The following PTPRD variants were observed in gnomAD, a reference collection of about 807,000 sequenced individuals.
PTPRD encodes the protein receptor-type tyrosine-protein phosphatase delta.
In PTPRD, 34 loss-of-function variants were observed where a neutral mutation model predicts 214.5. That is an observed-to-expected ratio of 0.16 (90% confidence interval 0.12 to 0.21). The LOEUF is 0.21. Ranked by LOEUF, PTPRD falls within the 10% of genes least tolerant of loss-of-function variation. The pLI, the probability that PTPRD is intolerant of heterozygous loss-of-function variation, is 1.00. For synonymous variants in PTPRD, 1,128 were observed against 845.7 expected (o/e 1.33, Z -5.79); for missense variants, 2,545 against 2,398.7 (o/e 1.06, Z -1.27).
intron 8 of PTPRD, among the ~76,000 whole-genome samples, chr9:9,487,231 C>T (rs962980493): frequency 2.0e-5 from 3 of 150,920 alleles, no homozygotes; most frequent in Admixed American, 6.6e-5. Context: ...CAACAACAGT[C>T]CCCGGTGTGT....
At chr9:9,710,790 C>T (rs997643276) in intron 7 of PTPRD, among the ~76,000 whole-genome samples, 1 of 152,064 alleles carries the variant, frequency 6.6e-6, no homozygotes, top group African/African-American at 2.4e-5. Flanking sequence ...CTGTTGGACA[C>T]ACACACACAC....
intron 2 of PTPRD, among the ~76,000 whole-genome samples, chr9:10,364,234 C>T (rs1233486146): frequency 6.6e-6 from 1 of 151,976 alleles, no homozygotes; most frequent in Non-Finnish European, 1.5e-5. Flanking sequence ...ATCTCCTGAC[C>T]TCGTGATCCG....
intron 11 of PTPRD, among the ~76,000 whole-genome samples, chr9:8,934,393 A>ATATGTG (rs1206724377): frequency 5.4e-4 from 26 of 48,212 alleles, no homozygotes; most frequent in Non-Finnish European, 9.1e-4. Context: ...AATACTAATT[A>ATATGTG]TGTGTGTGTG....
intron 2 of PTPRD, among the ~76,000 whole-genome samples, chr9:10,342,650 T>C (rs565928969): frequency 1.3e-5 from 2 of 152,240 alleles, no homozygotes; most frequent in South Asian, 4.1e-4. Flanking sequence ...TTGTTCTTAA[T>C]TTTCCGCACC....
intron 3 of PTPRD, among the ~76,000 whole-genome samples, chr9:10,278,601 A>G (rs2094874098): frequency 6.6e-6 from 1 of 152,102 alleles, no homozygotes; most frequent in African/African-American, 2.4e-5. Context: ...CTATCTCCTG[A>G]TCTAGGTTTT....
At chr9:9,223,165 C>G (rs531906941) in intron 9 of PTPRD, among the ~76,000 whole-genome samples, 1 of 151,818 alleles carries the variant, frequency 6.6e-6, no homozygotes, top group Non-Finnish European at 1.5e-5. Context: ...TCTAAGTGGG[C>G]AGATATTTTT....
chr9:8,410,586 AC>A lies in PTPRD; in HGVS notation c.4087-5927del, dbSNP rs565158444. ...AGATTTTTCAAGACTCTCAGTATTA[AC>A]AAATGAATGGATGTGGGAGTGCCCC... On this transcript the variant is annotated intron_variant, in intron 35 of 45. Transcript: ENST00000381196. Among the ~76,000 whole-genome samples, 40 of 152,316 alleles carry A rather than the reference AC, an allele frequency of 2.6e-4. No homozygotes were observed. In the East Asian group the frequency reaches 6.0e-3, roughly 23 times the overall value.
chr9:9,449,320 CATT>C (rs1352012979), intron 8 of PTPRD, among the ~76,000 whole-genome samples: 5 of 152,026 alleles, frequency 3.3e-5, no homozygotes, highest in African/African-American at 1.2e-4. Context: ...TTATCTCAAA[CATT>C]ATTAACAGAT....
chr9:10,188,671 T>C (rs1386738971), intron 3 of PTPRD, among the ~76,000 whole-genome samples: 1 of 152,066 alleles, frequency 6.6e-6, no homozygotes, highest in East Asian at 1.9e-4. Context: ...GTAGAAGTCA[T>C]GGGTGTGCAT....
At chr9:10,291,700 A>G (rs2095532398) in intron 3 of PTPRD, among the ~76,000 whole-genome samples, 1 of 152,062 alleles carries the variant, frequency 6.6e-6, no homozygotes, top group African/African-American at 2.4e-5. Context: ...CCCTGAAGAT[A>G]CCTTCACTTC....
At chr9:9,731,124 G>C (rs1337067341) in intron 7 of PTPRD, among the ~76,000 whole-genome samples, 6 of 152,166 alleles carry the variant, frequency 3.9e-5, no homozygotes, top group African/African-American at 7.2e-5. Context: ...TATGTAGGAA[G>C]TGTCAGTTCT....
intron 10 of PTPRD, among the ~76,000 whole-genome samples, chr9:9,172,683 C>T (rs1437271570): frequency 6.6e-6 from 1 of 152,138 alleles, no homozygotes; most frequent in Non-Finnish European, 1.5e-5. Context: ...TAGTCTGTGT[C>T]ATTCTTGGCC....
intron 3 of PTPRD, among the ~76,000 whole-genome samples, chr9:10,287,591 T>C (rs568050849): frequency 3.9e-5 from 6 of 152,154 alleles, no homozygotes; most frequent in African/African-American, 1.2e-4. Context: ...GGTGGTGCCA[T>C]GAGAAATGCA....
intron 10 of PTPRD, among the ~76,000 whole-genome samples, chr9:9,139,534 T>C (rs2099856557): frequency 6.6e-6 from 1 of 152,134 alleles, no homozygotes; most frequent in African/African-American, 2.4e-5. Context: ...ACACATGCTC[T>C]GTGATACCGC....
At chr9:9,345,693 A>T (rs2048528217) in intron 9 of PTPRD, among the ~76,000 whole-genome samples, 1 of 152,124 alleles carries the variant, frequency 6.6e-6, no homozygotes, top group Non-Finnish European at 1.5e-5. Context: ...GCAAATCCTG[A>T]TCATAATGGC....
At chr9:9,382,569 T>G (rs978814841) in intron 9 of PTPRD, among the ~76,000 whole-genome samples, 1 of 151,980 alleles carries the variant, frequency 6.6e-6, no homozygotes, top group Non-Finnish European at 1.5e-5. Context: ...ACAAGGCATA[T>G]TAAAAGATGC....
chr9:10,300,778 G>T (rs1162567877), intron 3 of PTPRD, among the ~76,000 whole-genome samples: 2 of 152,210 alleles, frequency 1.3e-5, no homozygotes, highest in Admixed American at 1.3e-4. Flanking sequence ...GGGACTTATA[G>T]ATAAGACCCC....
rs570474672 is a variant in PTPRD, at chr9:9,220,387, A to C, written c.-202-37024T>G. ...TTTTTTGAGTTTAGAGGCAGAAAGCATTACTGATAAATCTTACCAAATGAA... is the reference window on the plus strand; with the variant it reads ...TTTTTTGAGTTTAGAGGCAGAAAGCCTTACTGATAAATCTTACCAAATGAA... On this transcript the variant is annotated intron_variant, in intron 9 of 45. Transcript: ENST00000381196. Among the ~76,000 whole-genome samples the C allele has an allele frequency of 4.8e-4, 73 of 151,560 alleles. No homozygotes were observed. The South Asian group carries it at 6.9e-3, about 14-fold the overall frequency.
intron 5 of PTPRD, among the ~76,000 whole-genome samples, chr9:9,839,002 A>G (rs540923301): frequency 0.021 from 3,165 of 152,184 alleles, 98 homozygotes; most frequent in African/African-American, 0.072. Context: ...CAGTTTTCCC[A>G]GCACCATTTA....
Sources: gnomAD v4.1 joint callset for allele counts (sites outside exome capture counted in the v4.1 genomes callset) on GRCh38, gnomAD v4.1.1 for gene constraint, MANE v1.5 for transcripts, NCBI Gene and HGNC (gene_info 2026-07-23, HGNC 2026-07-21) for gene names.